KAT6B: variants seen among roughly 807,000 people sequenced by gnomAD.
KAT6B encodes lysine acetyltransferase 6B, also known as histone acetyltransferase KAT6B.
In KAT6B, 10 loss-of-function variants were observed where a neutral mutation model predicts 187.5. The observed-to-expected ratio is 0.05, with a 90% CI of 0.03 to 0.09. KAT6B has a LOEUF of 0.09. Ranked by LOEUF, KAT6B falls within the 10% of genes least tolerant of loss-of-function variation. The pLI, the probability that KAT6B is intolerant of heterozygous loss-of-function variation, is 1.00. For synonymous variants in KAT6B, 861 were observed against 926.8 expected (o/e 0.93, Z 1.29); for missense variants, 1,952 against 2,558.9 (o/e 0.76, Z 5.12).
intron 3 of KAT6B, among the ~76,000 whole-genome samples, chr10:74,916,883 C>G (rs531929770): frequency 6.6e-6 from 1 of 152,308 alleles, no homozygotes; most frequent in Admixed American, 6.5e-5. Context: ...GGGTGGATGT[C>G]TTGAGCTCAG....
intron 3 of KAT6B, among the ~76,000 whole-genome samples, chr10:74,929,669 C>T (rs762724872): frequency 2.0e-5 from 3 of 152,052 alleles, no homozygotes; most frequent in Non-Finnish European, 2.9e-5. Flanking sequence ...TGGCTTCTAA[C>T]GGGCTGCTAG....
intron 12 of KAT6B, 107 bp from the exon 13 acceptor site, chr10:74,988,912 C>A (rs1842965345): frequency 1.2e-6 from 1 of 800,550 alleles, no homozygotes; most frequent in Non-Finnish European, 2.3e-6. Flanking sequence ...CTGACCTAAC[C>A]CATTGGCTTT....
chr10:74,831,592 T>C (rs1382465852), intron 1 of KAT6B, among the ~76,000 whole-genome samples: 1 of 152,234 alleles, frequency 6.6e-6, no homozygotes, highest in Non-Finnish European at 1.5e-5. Context: ...AGCCAGGTGC[T>C]GACTTCTCCT....
chr10:74,845,938 AC>A (rs1842070212), intron 3 of KAT6B, among the ~76,000 whole-genome samples: 2 of 151,154 alleles, frequency 1.3e-5, no homozygotes, highest in African/African-American at 4.9e-5. Flanking sequence ...ACCTCGGCTC[AC>A]TGCAACCTCC....
intron 12 of KAT6B, among the ~76,000 whole-genome samples, chr10:74,987,722 G>A (rs1842900767): frequency 1.3e-5 from 2 of 152,204 alleles, no homozygotes; most frequent in Admixed American, 1.3e-4. Flanking sequence ...GCTGCACGGA[G>A]GGGAAGAAGG....
chr10:74,870,600 A>G (rs1168119596), intron 3 of KAT6B, among the ~76,000 whole-genome samples: 2 of 152,068 alleles, frequency 1.3e-5, no homozygotes, highest in Admixed American at 1.3e-4. Flanking sequence ...TCTTTTTGAG[A>G]CAGAGTTTTG....
At chr10:74,880,490 G>A (rs1844766643) in intron 3 of KAT6B, among the ~76,000 whole-genome samples, 1 of 152,110 alleles carries the variant, frequency 6.6e-6, no homozygotes, top group Non-Finnish European at 1.5e-5. Context: ...GACATTGATG[G>A]TTCTACTTTC....
At chr10:74,945,381 G>A (rs1460319859) in intron 3 of KAT6B, among the ~76,000 whole-genome samples, 9 of 152,202 alleles carry the variant, frequency 5.9e-5, no homozygotes, top group Non-Finnish European at 2.9e-5. Flanking sequence ...GAGAATGCAG[G>A]AAGGAACATT....
chr10:74,979,406 T>C, intron 10 of KAT6B, 67 bp downstream of exon 10: 1 of 1,138,380 alleles, frequency 8.8e-7, no homozygotes, highest in South Asian at 1.2e-5. Flanking sequence ...AAATTCTTGA[T>C]TCTAAAGCAG....
At chr10:74,866,558 T>G (rs1049684106) in intron 3 of KAT6B, among the ~76,000 whole-genome samples, 1 of 152,144 alleles carries the variant, frequency 6.6e-6, no homozygotes, top group Non-Finnish European at 1.5e-5. Context: ...TAAAATTAAA[T>G]TGCCTCATTT....
At chr10:74,990,119 C>T (rs748118241) in intron 13 of KAT6B, among the ~76,000 whole-genome samples, 10 of 139,650 alleles carry the variant, frequency 7.2e-5, no homozygotes, top group East Asian at 4.4e-4. Flanking sequence ...CACTTGAACC[C>T]GGGAGGTGGA....
At position 75,021,184 on chromosome 10, in the gene KAT6B, T is replaced by C. The variant is rs376273379; in HGVS notation, c.2920T>C (p.Cys974Arg). 1.1e-5 allele frequency: 18 copies of C among 1,614,028 alleles called. No homozygotes were observed. The Middle Eastern group carries it at 4.9e-4, about 44-fold the overall frequency. Residue 974 changes from cysteine to arginine, a missense_variant, in exon 15 of 18, where the codon TGT becomes CGT. Cys to Arg is a radical substitution (Grantham distance 180). Transcript: ENST00000287239. The part of the protein sequence containing the change: ...ILSHMEKLKT[C>R]SRANELDPDS... ...GAGCCACATGGAAAAGCTGAAAACC[T>C]GTTCCAGAGCCAATGAACTTGATCC...
intron 17 of KAT6B, among the ~76,000 whole-genome samples, chr10:75,026,788 AT>A (rs1845879927): frequency 6.6e-6 from 1 of 151,944 alleles, no homozygotes; most frequent in Non-Finnish European, 1.5e-5. Context: ...TCATCTTCTG[AT>A]TTTGGGAGGT....
At chr10:75,024,510 TAGTG>T (rs1315811336) in intron 16 of KAT6B, among the ~76,000 whole-genome samples, 2 of 152,226 alleles carry the variant, frequency 1.3e-5, no homozygotes, top group African/African-American at 4.8e-5. Context: ...GCTGTCCACA[TAGTG>T]GGTGCTCCTT....
intron 3 of KAT6B, among the ~76,000 whole-genome samples, chr10:74,874,047 GAATAAA>G (rs1260274654): frequency 2.0e-5 from 3 of 151,980 alleles, no homozygotes; most frequent in Non-Finnish European, 4.4e-5. Context: ...AAGAGAAACA[GAATAAA>G]AATATAGCAT....
chr10:74,837,603 AT>A (rs898339163), intron 1 of KAT6B, among the ~76,000 whole-genome samples: 2 of 151,286 alleles, frequency 1.3e-5, no homozygotes, highest in Non-Finnish European at 3.0e-5. Flanking sequence ...TGAATTATGC[AT>A]TTTTTTTTCC....
chr10:74,883,754 G>A (rs1018983683), intron 3 of KAT6B, among the ~76,000 whole-genome samples: 3 of 152,174 alleles, frequency 2.0e-5, no homozygotes, highest in Admixed American at 6.5e-5. Context: ...GAGACTGTTG[G>A]ATGACCTGGT....
chr10:74,948,268 C>G (rs2133371209), intron 3 of KAT6B, among the ~76,000 whole-genome samples: 1 of 152,332 alleles, frequency 6.6e-6, no homozygotes, highest in East Asian at 1.9e-4. Context: ...TGAGGACAAG[C>G]ACTTGGAGTA....
intron 16 of KAT6B, chr10:75,023,332 A>G (rs531062101): frequency 2.0e-5 from 3 of 152,366 alleles, no homozygotes; most frequent in South Asian, 4.1e-4. Context: ...GCGCTCTTCT[A>G]GGCCTGGCAG....
Sources: allele counts gnomAD v4.1 joint callset (sites outside exome capture counted in the v4.1 genomes callset), GRCh38; gene constraint gnomAD v4.1.1; transcripts MANE v1.5; gene names NCBI Gene and HGNC (gene_info 2026-07-23, HGNC 2026-07-21).